The following MNAT1 variants were observed in gnomAD, a reference collection of about 807,000 sequenced individuals.
MNAT1 encodes MNAT1 component of CDK activating kinase, also known as CDK-activating kinase assembly factor MAT1.
MNAT1 carries 43 observed loss-of-function variants against 42.0 expected under a neutral mutation model. The ratio of observed to expected loss-of-function variants is 1.02; its 90% confidence interval spans 0.80 to 1.32. MNAT1 has a LOEUF of 1.32. Ranked by LOEUF, MNAT1 falls within the 40% of genes most tolerant of loss-of-function variation. The pLI, the probability that MNAT1 is intolerant of heterozygous loss-of-function variation, is 0.00. For missense variants in MNAT1, 306 were observed against 350.4 expected (o/e 0.87, Z 1.01); for synonymous variants, 118 against 120.0 (o/e 0.98, Z 0.11).
chr14:60,802,088 A>G (rs1321193300), intron 3 of MNAT1, among the ~76,000 whole-genome samples: 6 of 152,148 alleles, frequency 3.9e-5, no homozygotes. Context: ...TTAGAGAAGT[A>G]AAGAGTAGAA....
intron 1 of MNAT1, among the ~76,000 whole-genome samples, chr14:60,761,945 C>T (rs1423442835): frequency 2.0e-5 from 3 of 152,098 alleles, no homozygotes; most frequent in South Asian, 2.1e-4. Flanking sequence ...AAATTAATGT[C>T]CCGGCTGTAA....
At chr14:60,951,207 C>G (rs575622272) in intron 7 of MNAT1, among the ~76,000 whole-genome samples, 7 of 149,554 alleles carry the variant, frequency 4.7e-5, no homozygotes, top group Non-Finnish European at 8.9e-5. Flanking sequence ...AACTTAATAT[C>G]TTTCCTCCTT....
chr14:60,743,312 G>A (rs756895000), intron 1 of MNAT1, among the ~76,000 whole-genome samples: 9 of 150,000 alleles, frequency 6.0e-5, no homozygotes, highest in African/African-American at 1.7e-4. Flanking sequence ...TTTTTGAGAC[G>A]GAGTCTTGCT....
In MNAT1 at chr14:60,830,798, C is replaced by CT. The variant is rs781035081; in HGVS notation, c.687+11964dup. 6.6e-3 allele frequency among the ~76,000 whole-genome samples: 894 copies of CT among 135,564 alleles called. 15 individuals carry two copies. The highest frequency in any genetic ancestry group is 0.02 in the African/African-American group (759 of 37,066). 88.9% of individuals were successfully genotyped at this position (135,564 alleles called of 152,430 possible). On this transcript the variant is annotated intron_variant, in intron 6 of 7. Transcript: ENST00000261245. ...TTTTGGTCCTCACCACTTCTTCTGCCTTTTTTTTTTTTTAAATCACAGATT... is the reference window on the plus strand; with the variant it reads ...TTTTGGTCCTCACCACTTCTTCTGCCTTTTTTTTTTTTTTAAATCACAGATT...
At position 60,812,092 on chromosome 14, in the gene MNAT1, A is replaced by T. The variant is rs182013117; in HGVS notation, c.526A>T (p.Lys176Ter). Residue 176 changes from lysine to a stop codon, truncating the protein, a stop_gained, in exon 5 of 8, where the codon AAA (lysine) becomes TAA (stop). Coordinates refer to ENST00000261245, the MANE Select transcript of MNAT1 (RefSeq NM_002431.4). LOFTEE classifies it high-confidence loss of function. ...AGAAGAACAACTGCAGCAGATTCTAAAAAGGAAGAATAAGCAGGCTTTTTT... is the reference window on the plus strand; with the variant it reads ...AGAAGAACAACTGCAGCAGATTCTATAAAGGAAGAATAAGCAGGCTTTTTT... ...QKEEQLQQIL[K>*]RKNKQAFLDE... The T allele has an allele frequency of 5.0e-6, 8 of 1,590,430 alleles. No individual in the cohort carries two copies. Among genetic ancestry groups the T allele is most frequent in the African/African-American group, 1.4e-5 (1 of 73,594 alleles).
intron 1 of MNAT1, chr14:60,779,854 G>A (rs146560920): frequency 3.2e-6 from 2 of 625,876 alleles, no homozygotes; most frequent in African/African-American, 1.8e-5. Context: ...ACTCTAAGAA[G>A]CAAGTGGATG....
chr14:60,886,787 T>C lies in MNAT1; in HGVS notation c.809+6952T>C, dbSNP rs912784605. On this transcript the variant is annotated intron_variant, in intron 7 of 7. Transcript: ENST00000261245. ...CTTTTTGGTCTAATCTTTATGATTT[T>C]GTACATATAGGATCATGTCATATGC... Among the ~76,000 whole-genome samples, 7 of 152,164 alleles carry C rather than the reference T, an allele frequency of 4.6e-5. No individual in the cohort carries two copies. The East Asian group carries it at 9.6e-4, about 21-fold the overall frequency.
At chr14:60,851,688 CTCTCCT>C (rs2033823897) in intron 6 of MNAT1, among the ~76,000 whole-genome samples, 1 of 152,048 alleles carries the variant, frequency 6.6e-6, no homozygotes, top group Non-Finnish European at 1.5e-5. Flanking sequence ...TGTCTTAATG[CTCTCCT>C]TCCCCTTGCC....
intron 7 of MNAT1, among the ~76,000 whole-genome samples, chr14:60,940,364 C>G (rs2036118618): frequency 6.6e-6 from 1 of 152,222 alleles, no homozygotes; most frequent in African/African-American, 2.4e-5. Flanking sequence ...TTTGCAGTGG[C>G]TCTGGAGACC....
intron 1 of MNAT1, among the ~76,000 whole-genome samples, chr14:60,738,253 ATTTTTTTT>A (rs68107318): frequency 8.1e-4 from 85 of 105,508 alleles, no homozygotes; most frequent in African/African-American, 3.0e-3. Flanking sequence ...AACATCTTGG[ATTTTTTTT>A]TTTTTTTTTT....
chr14:60,964,091 C>G (rs1251663948), intron 7 of MNAT1, among the ~76,000 whole-genome samples: 1 of 152,082 alleles, frequency 6.6e-6, no homozygotes, highest in East Asian at 1.9e-4. Context: ...CAGAAGCACT[C>G]CTATGTTAAA....
chr14:60,750,556 A>G (rs2030041677), intron 1 of MNAT1, among the ~76,000 whole-genome samples: 1 of 148,006 alleles, frequency 6.8e-6, no homozygotes, highest in Admixed American at 6.7e-5. Context: ...TTTTTTTGAA[A>G]CAAGGAGGAA....
chr14:60,746,684 C>T (rs1421246371), intron 1 of MNAT1, among the ~76,000 whole-genome samples: 1 of 150,416 alleles, frequency 6.6e-6, no homozygotes, highest in Non-Finnish European at 1.5e-5. Flanking sequence ...TATTATATGG[C>T]TCTAACATAT....
chr14:60,815,462 G>A (rs551355631), intron 5 of MNAT1, among the ~76,000 whole-genome samples: 9 of 152,188 alleles, frequency 5.9e-5, no homozygotes, highest in East Asian at 3.9e-4. Flanking sequence ...TGATCCACCC[G>A]CCTTGGCCTC....
Position 60,944,475 on chromosome 14 carries a change from C to T in MNAT1, c.810-23754C>T, listed in dbSNP as rs2139595147. 1.3e-5 allele frequency among the ~76,000 whole-genome samples: 2 copies of T among 152,310 alleles called. 1 individual carries two copies. The highest frequency in any genetic ancestry group is 3.9e-4 in the East Asian group (2 of 5,194). ...GAGCCCTCGCCAGCAACCAAATCAG[C>T]CAGGACTTCCTAGACTCCAGAATTA... is the stretch of plus-strand genomic sequence containing the variant. On this transcript the variant is annotated intron_variant, in intron 7 of 7. Coordinates refer to ENST00000261245, the MANE Select transcript of MNAT1 (RefSeq NM_002431.4).
intron 7 of MNAT1, among the ~76,000 whole-genome samples, chr14:60,927,021 T>A: frequency 6.6e-6 from 1 of 152,212 alleles, no homozygotes; most frequent in Non-Finnish European, 1.5e-5. Context: ...AGATTCTCCT[T>A]GCCACCCTAT....
chr14:60,932,540 C>A (rs906726881), intron 7 of MNAT1, among the ~76,000 whole-genome samples: 1 of 151,754 alleles, frequency 6.6e-6, no homozygotes, highest in African/African-American at 2.4e-5. Flanking sequence ...GGTATTTCAG[C>A]TCTGTTTTTT....
intron 1 of MNAT1, chr14:60,780,233 G>A (rs2031408720): frequency 1.4e-6 from 2 of 1,433,752 alleles, no homozygotes; most frequent in South Asian, 2.3e-5. Context: ...GAAACTGGTT[G>A]TAGTTATCTC....
intron 7 of MNAT1, among the ~76,000 whole-genome samples, chr14:60,910,831 G>C (rs2035336197): frequency 6.6e-6 from 1 of 152,090 alleles, no homozygotes; most frequent in Non-Finnish European, 1.5e-5. Flanking sequence ...GGATGATGCT[G>C]GCCTCATACA....
Sources: gnomAD v4.1 joint callset for allele counts (sites outside exome capture counted in the v4.1 genomes callset) on GRCh38, gnomAD v4.1.1 for gene constraint, MANE v1.5 for transcripts, NCBI Gene and HGNC (gene_info 2026-07-23, HGNC 2026-07-21) for gene names.